The following SLC35F4 variants were observed in gnomAD, a reference collection of about 807,000 sequenced individuals.
The protein encoded by SLC35F4 is solute carrier family 35 member F4, also known as chromosome 14 open reading frame 36.
Under a neutral mutation model 44.2 loss-of-function variants are expected in SLC35F4, and 24 were observed. That is an observed-to-expected ratio of 0.54 (90% CI 0.39 to 0.76). SLC35F4 has a LOEUF of 0.76. SLC35F4 is among the 30% of genes least tolerant of loss of function. The pLI is 0.00. For missense variants in SLC35F4, 562 were observed against 586.1 expected, an observed-to-expected ratio of 0.96 and a Z score of 0.42; for synonymous variants, 238 against 223.6, an observed-to-expected ratio of 1.06 and a Z score of -0.57.
chr14:57,942,239 G>T (rs1379397621), intron 1 of SLC35F4, among the ~76,000 whole-genome samples: 1 of 152,172 alleles, frequency 6.6e-6, no homozygotes, highest in Non-Finnish European at 1.5e-5. Flanking sequence ...ATACAGGGTT[G>T]TAACTTATTG....
rs149132190 is a variant in SLC35F4 at position 57,605,322 on chromosome 14, G to T, written c.104-11198C>A. 2.0e-5 allele frequency among the ~76,000 whole-genome samples: 3 copies of T among 152,112 alleles called. No individual in the cohort carries two copies. In the East Asian group the frequency reaches 5.8e-4, roughly 29 times the overall value. On this transcript the variant is annotated intron_variant, in intron 1 of 7. Coordinates refer to ENST00000556826, the MANE Select transcript of SLC35F4 (RefSeq NM_001306087.2). ...TATGAACAGACAGTTCTGAAAAGAA[G>T]ACATACAAGCAGCCAAGAAATACAT... is the stretch of plus-strand genomic sequence containing the variant.
At chr14:57,617,127 A>ACTCTTTT (rs2071877079) in intron 1 of SLC35F4, among the ~76,000 whole-genome samples, 1 of 64,094 alleles carries the variant, frequency 1.6e-5, no homozygotes, top group Non-Finnish European at 3.7e-5. Context: ...AACTGTACTT[A>ACTCTTTT]TTCTTTTTTT....
At chr14:57,670,841 A>G (rs2074491580) in intron 1 of SLC35F4, among the ~76,000 whole-genome samples, 2 of 151,828 alleles carry the variant, frequency 1.3e-5, no homozygotes, top group South Asian at 4.2e-4. Context: ...CTAATCCCAG[A>G]AAGACTAGGA....
chr14:57,845,073 T>C (rs2140970820), intron 1 of SLC35F4, among the ~76,000 whole-genome samples: 1 of 152,298 alleles, frequency 6.6e-6, no homozygotes, highest in African/African-American at 2.4e-5. Flanking sequence ...GTAAGCCCTT[T>C]ATTGGATCTG....
intron 1 of SLC35F4, among the ~76,000 whole-genome samples, chr14:57,735,713 C>T (rs2076446503): frequency 6.8e-6 from 1 of 147,610 alleles, no homozygotes; most frequent in African/African-American, 2.6e-5. Context: ...TCCAACATAG[C>T]CACCCCCTTT....
chr14:57,713,361 G>A (rs1481433956), intron 1 of SLC35F4, among the ~76,000 whole-genome samples: 1 of 152,116 alleles, frequency 6.6e-6, no homozygotes, highest in East Asian at 1.9e-4. Context: ...TGCCCTTGAT[G>A]TGATGTGTTA....
intron 1 of SLC35F4, among the ~76,000 whole-genome samples, chr14:57,736,182 A>AC (rs1471221630): frequency 6.6e-6 from 1 of 152,224 alleles, no homozygotes; most frequent in African/African-American, 2.4e-5. Flanking sequence ...TAAAGCCCAC[A>AC]TGAAGCACAA....
chr14:57,782,235 A>C (rs1394998722), intron 1 of SLC35F4, among the ~76,000 whole-genome samples: 1 of 152,190 alleles, frequency 6.6e-6, no homozygotes, highest in African/African-American at 2.4e-5. Flanking sequence ...AAATGAGTGC[A>C]AGTACAGTTG....
chr14:57,774,094 C>T (rs1848147879), intron 1 of SLC35F4, among the ~76,000 whole-genome samples: 1 of 151,604 alleles, frequency 6.6e-6, no homozygotes, highest in South Asian at 2.1e-4. Context: ...CCAGGAGGAA[C>T]ATCTCCAAAC....
rs192215126 is a variant in SLC35F4, at chr14:57,627,958, C to T, written c.104-33834G>A. Among the ~76,000 whole-genome samples the T allele has an allele frequency of 9.2e-5, 14 of 152,142 alleles. No homozygotes were observed. In the East Asian group the frequency reaches 2.5e-3, roughly 27 times the overall value. ...CTCAACCTCAGCTCAGTTGGAATGTCCACTAGGCTGATAAAGATCTCAATT... is the reference window on the plus strand; with the variant it reads ...CTCAACCTCAGCTCAGTTGGAATGTTCACTAGGCTGATAAAGATCTCAATT... On this transcript the variant is annotated intron_variant, in intron 1 of 7. Transcript: ENST00000556826.
At chr14:57,729,076 G>A (rs1248798435) in intron 1 of SLC35F4, among the ~76,000 whole-genome samples, 1 of 152,050 alleles carries the variant, frequency 6.6e-6, no homozygotes, top group African/African-American at 2.4e-5. Context: ...GCTGTTTTTA[G>A]GATCCTTTCT....
chr14:57,689,481 C>T (rs892941425), intron 1 of SLC35F4, among the ~76,000 whole-genome samples: 2 of 151,990 alleles, frequency 1.3e-5, no homozygotes, highest in Non-Finnish European at 2.9e-5. Context: ...GCAGGAAGAA[C>T]AAAAAAACCC....
intron 1 of SLC35F4, among the ~76,000 whole-genome samples, chr14:57,621,748 C>T (rs76705189): frequency 0.67 from 100,630 of 149,228 alleles, 34,796 homozygotes; most frequent in Non-Finnish European, 0.75. Context: ...ATTCAGGACA[C>T]AGGCATGGGC....
At chr14:57,819,737 T>C (rs1197314192) in intron 1 of SLC35F4, among the ~76,000 whole-genome samples, 1 of 148,802 alleles carries the variant, frequency 6.7e-6, no homozygotes, top group African/African-American at 2.5e-5. Context: ...TGTTTGAACC[T>C]GGGAGGCAGA....
chr14:57,809,225 C>A (rs1881692397), intron 1 of SLC35F4, among the ~76,000 whole-genome samples: 1 of 152,170 alleles, frequency 6.6e-6, no homozygotes, highest in African/African-American at 2.4e-5. Context: ...ATTCTTTTCA[C>A]AAAGTTTGCA....
intron 1 of SLC35F4, among the ~76,000 whole-genome samples, chr14:57,612,206 G>T (rs777247564): frequency 6.6e-6 from 1 of 152,000 alleles, no homozygotes; most frequent in African/African-American, 2.4e-5. Context: ...AGCTATGATT[G>T]TGCCACTGCC....
intron 1 of SLC35F4, among the ~76,000 whole-genome samples, chr14:57,857,419 A>C (rs72624729): frequency 0.01 from 1,590 of 152,140 alleles, 16 homozygotes; most frequent in Non-Finnish European, 0.018. Context: ...TTTAAAGTAC[A>C]TCTATTTGAT....
intron 1 of SLC35F4, among the ~76,000 whole-genome samples, chr14:57,747,981 C>G (rs2076798608): frequency 6.6e-6 from 1 of 152,156 alleles, no homozygotes; most frequent in South Asian, 2.1e-4. Flanking sequence ...CATTTACTTT[C>G]CCCAGTGTAC....
intron 1 of SLC35F4, among the ~76,000 whole-genome samples, chr14:57,863,609 T>C (rs994287915): frequency 1.3e-5 from 2 of 152,248 alleles, no homozygotes; most frequent in Non-Finnish European, 2.9e-5. Flanking sequence ...GACCATATTG[T>C]ACTGGTTTGC....
Sources: allele counts gnomAD v4.1 joint callset (sites outside exome capture counted in the v4.1 genomes callset), GRCh38; gene constraint gnomAD v4.1.1; transcripts MANE v1.5; gene names NCBI Gene and HGNC (gene_info 2026-07-23, HGNC 2026-07-21).